The following SLC47A2 variants were observed in gnomAD, a reference collection of about 807,000 sequenced individuals.
SLC47A2 encodes multidrug and toxin extrusion protein 2.
In SLC47A2, 52 loss-of-function variants were observed where a neutral mutation model predicts 67.7. That is an observed-to-expected ratio of 0.77 (90% CI 0.61 to 0.97). The LOEUF (loss-of-function observed/expected upper bound fraction) is 0.97, where lower values mean the gene tolerates loss of function less well. Among genes scored for constraint, SLC47A2 ranks in the 50% least tolerant of loss-of-function variants. The probability of loss-of-function intolerance (pLI) is 0.00; values close to 1 mark genes in which losing one functional copy is unlikely to be tolerated. For synonymous variants in SLC47A2, 278 were observed against 292.9 expected (o/e 0.95, Z 0.52); for missense variants, 676 against 712.3 (o/e 0.95, Z 0.58).
In SLC47A2 at chr17:19,681,471, AC is replaced by A; in HGVS notation, c.1298-11del. On this transcript the variant is annotated splice_polypyrimidine_tract_variant and intron_variant, in intron 14 of 16. Transcript: ENST00000433844. ...ATGCCCAGCCAGAGGCCTGGAGGAGACAAGTGATGATGGGAACAATGTCCGA... is the reference window on the plus strand; with the variant it reads ...ATGCCCAGCCAGAGGCCTGGAGGAGAAAGTGATGATGGGAACAATGTCCGA... 6.2e-7 allele frequency: 1 copy of A among 1,614,022 alleles called. No homozygotes were observed. The highest frequency in any genetic ancestry group is 8.5e-7 in the Non-Finnish European group (1 of 1,179,992).
In SLC47A2 at chr17:19,706,758, C is replaced by T; in HGVS notation, c.731G>A (p.Trp244Ter). The stretch of plus-strand genomic sequence containing the variant: ...CCAGTCCTGCAGGCACTGGCTGGAC[C>T]AACCTGGAAACAGAGGCCCCATGAG... ...KKLHLETWAG[W>*]SSQCLQDWGP... Residue 244 changes from tryptophan (W) to a stop codon, truncating the protein, a stop_gained, in exon 9 of 17, where the codon TGG becomes TAG. Coordinates refer to ENST00000433844, the MANE Select transcript of SLC47A2 (RefSeq NM_001099646.3). LOFTEE classifies it high-confidence loss of function. 1.9e-6 allele frequency: 3 copies of T among 1,603,354 alleles called. No homozygotes were observed. Among genetic ancestry groups the T allele is most frequent in the Non-Finnish European group, 2.5e-6 (3 of 1,176,974 alleles).
At position 19,688,729 on chromosome 17, in the gene SLC47A2, A is replaced by G. The variant is rs1252712918; in HGVS notation, c.1165-7059T>C. Among the ~76,000 whole-genome samples, 5 of 151,476 alleles carry G rather than the reference A, an allele frequency of 3.3e-5. 1 individual carries two copies. The highest frequency in any genetic ancestry group is 3.3e-4 in the Admixed American group (5 of 15,184). On this transcript the variant is annotated intron_variant, in intron 13 of 16. Transcript: ENST00000433844. ...ACTACAAAGCCTGGCTAATTTTTGT[A>G]TTTTTTTTAGTAGAAACAAGGTTTC...
At position 19,703,081 on chromosome 17, in the gene SLC47A2, T is replaced by A. The variant is rs2085829738; in HGVS notation, c.1094+11A>T. 6.2e-7 allele frequency: 1 copy of A among 1,613,140 alleles called. No individual in the cohort carries two copies. The highest frequency in any genetic ancestry group is 8.5e-7 in the Non-Finnish European group (1 of 1,179,228). On this transcript the variant is annotated intron_variant, in intron 12 of 16. Transcript: ENST00000433844. ...TTTTCCAAGAGTCAGCACAGAAAAC[T>A]GATTACCTACTCATCATTGGTAAAA...
Position 19,678,863 on chromosome 17 carries a change from T to G in SLC47A2, c.1524A>C (p.Ser508=). Residue 508 remains serine (S), a synonymous_variant, in exon 17 of 17, where the codon TCA becomes TCC. Transcript: ENST00000433844. ...SSPGITLTTY[S]RSECHVDFFR... ...AGAAGTCCACGTGGCACTCAGACCT[T>G]GAATACGTTGTCAAGGTAATGCCAG... The G allele has an allele frequency of 6.2e-7, 1 of 1,603,594 alleles. No individual in the cohort carries two copies. Among genetic ancestry groups the G allele is most frequent in the Non-Finnish European group, 8.5e-7 (1 of 1,174,364 alleles).
At chr17:19,717,625 G>C (rs1227003816), upstream of SLC47A2, 1 of 152,236 alleles carries the variant, frequency 6.6e-6, no homozygotes, top group Non-Finnish European at 1.5e-5. Flanking sequence ...CTGCAGCGGA[G>C]GAGTGGCCGG....
chr17:19,696,474 AAAAAT>A (rs1167420393), intron 13 of SLC47A2, among the ~76,000 whole-genome samples: 9 of 150,064 alleles, frequency 6.0e-5, no homozygotes, highest in Middle Eastern at 3.4e-3. Flanking sequence ...AAAAAAAAAA[AAAAAT>A]AGAGAGAATT....
rs768690450 is a variant in SLC47A2 at position 19,708,740 on chromosome 17, C to T, written c.507G>A (p.Leu169=). ...PGLPVIFLYN[L]LAKYLQNQKI... ...CCTGATTTTGCAAATATTTTGCCAG[C>T]AGATTGTAAAGAAAAATCACCTGTA... Residue 169 remains leucine (L), a synonymous_variant, in exon 6 of 17, where the codon CTG becomes CTA. Transcript: ENST00000433844. 6.2e-7 allele frequency: 1 copy of T among 1,613,988 alleles called. No homozygotes were observed. The highest frequency in any genetic ancestry group is 2.2e-5 in the East Asian group (1 of 44,874).
intron 5 of SLC47A2, 66 bp downstream of exon 5, chr17:19,712,637 G>C: frequency 6.5e-7 from 1 of 1,539,550 alleles, no homozygotes. Flanking sequence ...AGCAGATAGA[G>C]TGGGAAAGCA....
At chr17:19,715,012 G>A in intron 2 of SLC47A2, 104 bp downstream of exon 2, 1 of 1,363,674 alleles carries the variant, frequency 7.3e-7, no homozygotes, top group Non-Finnish European at 1.0e-6. Flanking sequence ...CGTGGGCTGT[G>A]TCTTCCCATC....
At chr17:19,703,734 G>C (rs2085850913) in intron 11 of SLC47A2, among the ~76,000 whole-genome samples, 1 of 152,226 alleles carries the variant, frequency 6.6e-6, no homozygotes, top group South Asian at 2.1e-4. Context: ...GAAGGAGAGT[G>C]CTGGGCAGGA....
intron 13 of SLC47A2, among the ~76,000 whole-genome samples, chr17:19,694,915 CAA>C (rs34430678): frequency 0.018 from 2,154 of 122,046 alleles, 47 homozygotes; most frequent in African/African-American, 0.054. Context: ...GACTCCATCT[CAA>C]AAAAAAAAAA....
chr17:19,716,638 A>G, upstream of SLC47A2: 1 of 1,469,828 alleles, frequency 6.8e-7, no homozygotes, highest in East Asian at 2.5e-5. Flanking sequence ...CTGCCTGGGC[A>G]GCCCGTGTCG....
At chr17:19,684,695 C>CAA (rs754988040) in intron 13 of SLC47A2, among the ~76,000 whole-genome samples, 170 of 63,412 alleles carry the variant, frequency 2.7e-3, no homozygotes, top group African/African-American at 7.6e-3. Context: ...ACTCTTTCTA[C>CAA]AAAAAAAAAA....
chr17:19,703,676 A>T (rs2085849184), intron 11 of SLC47A2, among the ~76,000 whole-genome samples: 1 of 152,186 alleles, frequency 6.6e-6, no homozygotes, highest in African/African-American at 2.4e-5. Flanking sequence ...TGCCAAGCTC[A>T]TGGGGGTGCT....
intron 13 of SLC47A2, among the ~76,000 whole-genome samples, chr17:19,699,619 T>C (rs1472158487): frequency 6.6e-6 from 1 of 151,912 alleles, no homozygotes; most frequent in Non-Finnish European, 1.5e-5. Flanking sequence ...CCCAGGCTGG[T>C]CTCAAACTCC....
intron 5 of SLC47A2, among the ~76,000 whole-genome samples, chr17:19,712,136 C>T (rs2086117323): frequency 1.3e-5 from 2 of 152,288 alleles, no homozygotes; most frequent in South Asian, 4.1e-4. Context: ...TCTGTAATCT[C>T]AGCACTTTGG....
chr17:19,678,579 A>G lies in SLC47A2; in HGVS notation c.*107T>C. 8 of 1,189,860 alleles carry G rather than the reference A, an allele frequency of 6.7e-6. 1 individual carries two copies. In the Middle Eastern group the frequency reaches 1.7e-3, roughly 259 times the overall value. The allele number at this position is 1,189,860 out of a possible 1,614,324, so 73.7% of individuals were successfully genotyped here. A position where few individuals can be genotyped will look rare whatever the true frequency, so the allele number is the denominator to read the frequency against. On this transcript the variant is annotated 3_prime_UTR_variant, in exon 17 of 17. Transcript: ENST00000433844. ...AGTTCTTTTTTTGAGGAGTGGTTCAAAGTGTCCACCTGCACTAGACCCCAT... is the reference window on the plus strand; with the variant it reads ...AGTTCTTTTTTTGAGGAGTGGTTCAGAGTGTCCACCTGCACTAGACCCCAT...
intron 4 of SLC47A2, 48 bp from the exon 5 acceptor site, chr17:19,712,793 G>A (rs765840823): frequency 2.5e-6 from 4 of 1,582,352 alleles, no homozygotes; most frequent in Non-Finnish European, 3.5e-6. Context: ...GTGGCCCGGG[G>A]AGGCAGGGCC....
intron 5 of SLC47A2, among the ~76,000 whole-genome samples, chr17:19,711,935 C>T (rs1008630271): frequency 6.6e-6 from 1 of 151,882 alleles, no homozygotes; most frequent in African/African-American, 2.4e-5. Context: ...TACCAGATAA[C>T]CTTTGGAATT....
Sources: gnomAD v4.1 joint callset for allele counts (sites outside exome capture counted in the v4.1 genomes callset) on GRCh38, gnomAD v4.1.1 for gene constraint, MANE v1.5 for transcripts, NCBI Gene and HGNC (gene_info 2026-07-23, HGNC 2026-07-21) for gene names.